Variants in UNKL observed in about 807,000 individuals in gnomAD.
UNKL encodes unk like zinc finger, also known as putative E3 ubiquitin-protein ligase UNKL.
UNKL carries 60 observed loss-of-function variants against 78.0 expected under a neutral mutation model. The observed-to-expected ratio is 0.77, with a 90% CI of 0.63 to 0.95. The LOEUF is 0.95. Among genes scored for constraint, UNKL ranks in the 40% least tolerant of loss-of-function variants. The pLI, the probability that UNKL is intolerant of heterozygous loss-of-function variation, is 0.00. For synonymous variants in UNKL, 608 were observed against 474.8 expected, an observed-to-expected ratio of 1.28 and a Z score of -3.65; for missense variants, 1,159 against 1,045.7, an observed-to-expected ratio of 1.11 and a Z score of -1.49.
intron 10 of UNKL, among the ~76,000 whole-genome samples, chr16:1,384,550 C>T (rs1025339824): frequency 1.1e-4 from 16 of 152,158 alleles, no homozygotes; most frequent in Admixed American, 7.9e-4. Flanking sequence ...CTGGACTCCC[C>T]ACCCCATCAC....
At chr16:1,369,310 C>T (rs1276053558) in intron 12 of UNKL, among the ~76,000 whole-genome samples, 5 of 151,178 alleles carry the variant, frequency 3.3e-5, no homozygotes, top group East Asian at 1.9e-4. Context: ...CGTCGTGATC[C>T]GCCCACCTCG....
chr16:1,409,737 G>A (rs2037950540), intron 2 of UNKL, among the ~76,000 whole-genome samples: 2 of 152,014 alleles, frequency 1.3e-5, no homozygotes, highest in African/African-American at 2.4e-5. Flanking sequence ...ATACCACCCT[G>A]TGCCTAGCAG....
Position 1,403,813 on chromosome 16 carries a change from A to G in UNKL, c.288-469T>C, listed in dbSNP as rs1431376654. ...CTTTCAGGGACCCCAGGAGGGAGGT[A>G]GGGGAGGGAACAAGCACAGGGCCCT... On this transcript the variant is annotated intron_variant, in intron 2 of 14. Coordinates refer to ENST00000389221, the MANE Select transcript of UNKL (RefSeq NM_001372107.1). The surrounding 1 kb of genome is among the most constrained non-coding windows in gnomAD (Gnocchi z 4.8). 6.6e-6 allele frequency among the ~76,000 whole-genome samples: 1 copy of G among 152,038 alleles called. No homozygotes were observed. Among genetic ancestry groups the G allele is most frequent in the Non-Finnish European group, 1.5e-5 (1 of 67,986 alleles).
At chr16:1,392,161 C>CA (rs2037075554) in intron 8 of UNKL, among the ~76,000 whole-genome samples, 1 of 152,160 alleles carries the variant, frequency 6.6e-6, no homozygotes, top group South Asian at 2.1e-4. Context: ...TGAAGGGAGT[C>CA]AGAGTGTGCC....
At chr16:1,369,932 A>T (rs955483139) in intron 12 of UNKL, 198 bp downstream of exon 12, 16 of 1,546,488 alleles carry the variant, frequency 1.0e-5, no homozygotes, top group African/African-American at 2.7e-5. Flanking sequence ...CCGAGATCGT[A>T]CCATTGCAGT....
In UNKL at chr16:1,403,096, C is replaced by A; in HGVS notation, c.464+72G>T. 2 of 1,501,094 alleles carry A rather than the reference C, an allele frequency of 1.3e-6. No individual in the cohort carries two copies. The highest frequency in any genetic ancestry group is 2.6e-5 in the South Asian group (2 of 77,966). 93.0% of individuals were successfully genotyped at this position (1,501,094 alleles called of 1,614,324 possible). A position where few individuals can be genotyped will look rare whatever the true frequency, so the allele number is the denominator to read the frequency against. On this transcript the variant is annotated intron_variant, in intron 3 of 14. Coordinates refer to ENST00000389221, the MANE Select transcript of UNKL (RefSeq NM_001372107.1). This position sits in a 1 kb window ranked among gnomAD's most constrained non-coding sequence, Gnocchi z 4.8. ...AGCAGCAGGGAGGCGAGCCACTTGC[C>A]GAGTTCCTGCTCATCCAGCAGAGCC...
At chr16:1,382,458 G>A (rs1222876387) in intron 10 of UNKL, among the ~76,000 whole-genome samples, 1 of 151,222 alleles carries the variant, frequency 6.6e-6, no homozygotes, top group East Asian at 1.9e-4. Context: ...CTGTGCCCCT[G>A]CCCCCGCCCC....
At chr16:1,391,661 G>A (rs1434233004) in intron 8 of UNKL, among the ~76,000 whole-genome samples, 1 of 151,862 alleles carries the variant, frequency 6.6e-6, no homozygotes, top group Non-Finnish European at 1.5e-5. Flanking sequence ...CTGGCTCCCT[G>A]TCGGTTCTCC....
chr16:1,408,319 G>C (rs1171242409), intron 2 of UNKL: 1 of 152,228 alleles, frequency 6.6e-6, no homozygotes, highest in Non-Finnish European at 1.5e-5. Context: ...ACGTGACCCG[G>C]GACAGCCAAT....
intron 10 of UNKL, among the ~76,000 whole-genome samples, chr16:1,375,913 T>A (rs918009127): frequency 6.6e-6 from 1 of 152,174 alleles, no homozygotes; most frequent in African/African-American, 2.4e-5. Context: ...TCTCAGGCCA[T>A]GGCTGAAGAG....
intron 3 of UNKL, 120 bp from the exon 4 acceptor site, chr16:1,401,821 T>A (rs2037540276): frequency 1.4e-6 from 2 of 1,389,622 alleles, no homozygotes; most frequent in Admixed American, 4.9e-5. Context: ...GCCGAAGGGT[T>A]CAGGACGGAG....
intron 4 of UNKL, among the ~76,000 whole-genome samples, chr16:1,400,974 C>T (rs2037499957): frequency 6.6e-6 from 1 of 152,254 alleles, no homozygotes; most frequent in Admixed American, 6.5e-5. Flanking sequence ...CAGGCGTGAG[C>T]CAGTGCTCCC....
intron 5 of UNKL, chr16:1,398,946 G>A: frequency 2.6e-6 from 4 of 1,544,324 alleles, no homozygotes; most frequent in Non-Finnish European, 3.5e-6. Context: ...TGCCAGCTGT[G>A]AAGACAAGAT....
chr16:1,398,829 G>A, intron 5 of UNKL: 1 of 1,559,620 alleles, frequency 6.4e-7, no homozygotes, highest in Non-Finnish European at 8.7e-7. Context: ...CAGACCCAGG[G>A]GACAGCTGGG....
At position 1,379,819 on chromosome 16, in the gene UNKL, C is replaced by T. The variant is rs2036528267; in HGVS notation, c.1264+5389G>A. 4 of 613,836 alleles carry T rather than the reference C, an allele frequency of 6.5e-6. No individual in the cohort carries two copies. In the South Asian group the frequency reaches 2.8e-4, roughly 43 times the overall value. 38.0% of individuals were successfully genotyped at this position (613,836 alleles called of 1,614,324 possible). A position where few individuals can be genotyped will look rare whatever the true frequency, so the allele number is the denominator to read the frequency against. On this transcript the variant is annotated intron_variant, in intron 10 of 14. Transcript: ENST00000389221. The stretch of plus-strand genomic sequence containing the variant: ...CCGACTCGGGCGCACCCGGTCCCCG[C>T]GGCTCCTGGCTACGAGCTGGGCGGG...
intron 2 of UNKL, chr16:1,408,463 C>A: frequency 6.5e-6 from 1 of 154,498 alleles, no homozygotes. Flanking sequence ...AGCCACCCAC[C>A]TAGGAAAGGG....
At chr16:1,382,715 T>G (rs1223570813) in intron 10 of UNKL, among the ~76,000 whole-genome samples, 1 of 151,684 alleles carries the variant, frequency 6.6e-6, no homozygotes, top group Non-Finnish European at 1.5e-5. Context: ...CCCAGCACTT[T>G]GGGAGGCCGA....
At position 1,399,434 on chromosome 16, in the gene UNKL, G is replaced by A. The variant is rs776358083; in HGVS notation, c.674C>T (p.Ala225Val). The A allele has an allele frequency of 5.6e-6, 9 of 1,605,622 alleles. No homozygotes were observed. The highest frequency in any genetic ancestry group is 1.7e-4 in the Middle Eastern group (1 of 5,836). The change falls in exon 5 of 15, where the codon GCG (alanine) becomes GTG (valine). Residue 225 changes from alanine (A) to valine (V), a missense_variant. By Grantham distance (64) the Ala-to-Val change is moderately conservative. Transcript: ENST00000389221. The surrounding 1 kb of genome is among the most constrained non-coding windows in gnomAD (Gnocchi z 5.8). ...CCGGCTATTGTGGTAGTGTGGGCAC[G>A]CATAGCCCTGGCGGCACAGGCGTGG... is the stretch of plus-strand genomic sequence containing the variant. ...KPPRLCRQGY[A>V]CPHYHNSRDR...
In UNKL at chr16:1,364,057, G is replaced by A. The variant is rs531755151; in HGVS notation, c.*2183C>T. On this transcript the variant is annotated 3_prime_UTR_variant, in exon 15 of 15. Coordinates refer to ENST00000389221, the MANE Select transcript of UNKL (RefSeq NM_001372107.1). ...ACCACTTATCCCAGAAAAGACCAGA[G>A]GCTCCAAATGGGAACCAAGTGCATA... is the stretch of plus-strand genomic sequence containing the variant. 6.6e-6 allele frequency: 1 copy of A among 152,300 alleles called. No individual in the cohort carries two copies. Among genetic ancestry groups the A allele is most frequent in the Admixed American group, 6.5e-5 (1 of 15,308 alleles). The allele number at this position is 152,300 out of a possible 1,614,324, so 9.4% of individuals were successfully genotyped here. A position where few individuals can be genotyped will look rare whatever the true frequency, so the allele number is the denominator to read the frequency against.
Sources: gnomAD v4.1 joint callset for allele counts (sites outside exome capture counted in the v4.1 genomes callset) on GRCh38, gnomAD v4.1.1 for gene constraint, Gnocchi (gnomAD v3.1) non-coding constraint, MANE v1.5 for transcripts, NCBI Gene and HGNC (gene_info 2026-07-23, HGNC 2026-07-21) for gene names.